SIGLECL1: variants seen among roughly 807,000 people sequenced by gnomAD.
SIGLECL1 encodes the protein SIGLEC family like 1, also known as SIGLEC family-like protein 1.
A neutral mutation model predicts 19.1 loss-of-function variants in SIGLECL1; 16 were observed. The observed-to-expected ratio is 0.84, with a 90% confidence interval of 0.57 to 1.27. The LOEUF is 1.27. Ranked by LOEUF, SIGLECL1 falls within the 50% of genes most tolerant of loss-of-function variation. The probability of loss-of-function intolerance (pLI) is 0.00; values close to 1 mark genes in which losing one functional copy is unlikely to be tolerated. For synonymous variants in SIGLECL1, 89 were observed against 90.4 expected (o/e 0.98, Z 0.09); for missense variants, 210 against 239.4 (o/e 0.88, Z 0.81).
upstream of SIGLECL1, among the ~76,000 whole-genome samples, chr19:51,247,834 C>G (rs1476886250): frequency 6.6e-6 from 1 of 152,198 alleles, no homozygotes; most frequent in Non-Finnish European, 1.5e-5. Context: ...GGTCTCAAGA[C>G]CCCCAGTAAA....
chr19:51,246,794 G>T (rs1476999269), upstream of SIGLECL1, among the ~76,000 whole-genome samples: 1 of 152,156 alleles, frequency 6.6e-6, no homozygotes, highest in Admixed American at 6.5e-5. Flanking sequence ...TTTATTGGGG[G>T]TCTGAAGGAA....
intron 5 of SIGLECL1, among the ~76,000 whole-genome samples, chr19:51,268,166 G>A (rs1167868713): frequency 1.3e-5 from 2 of 152,090 alleles, no homozygotes; most frequent in East Asian, 1.9e-4. Context: ...CTTTGTGCTC[G>A]ACAATGCTGG....
intron 1 of SIGLECL1, among the ~76,000 whole-genome samples, chr19:51,257,298 T>G (rs1982875565): frequency 6.6e-6 from 1 of 151,632 alleles, no homozygotes; most frequent in Non-Finnish European, 1.5e-5. Context: ...CCCAGCTACT[T>G]GGGAGGCTGA....
At chr19:51,266,849 G>T (rs536465322) in intron 4 of SIGLECL1, among the ~76,000 whole-genome samples, 21 of 152,314 alleles carry the variant, frequency 1.4e-4, no homozygotes, top group African/African-American at 4.6e-4. Flanking sequence ...CGGAGCCATG[G>T]AAGAGTGCTA....
At chr19:51,247,725 A>C (rs1982313177), upstream of SIGLECL1, among the ~76,000 whole-genome samples, 1 of 152,182 alleles carries the variant, frequency 6.6e-6, no homozygotes, top group African/African-American at 2.4e-5. Flanking sequence ...GCCGTTGCCC[A>C]ATTTCAAAAC....
At chr19:51,253,108 T>TA (rs35949696) in intron 1 of SIGLECL1, among the ~76,000 whole-genome samples, 18 of 150,774 alleles carry the variant, frequency 1.2e-4, no homozygotes, top group South Asian at 6.3e-4. Flanking sequence ...GACCCTGTGT[T>TA]AAAAAAAAAC....
rs1186596186 is a variant in SIGLECL1 at position 51,268,962 on chromosome 19, G to A, written c.*365G>A. 1 of 207,294 alleles carries A rather than the reference G, an allele frequency of 4.8e-6. No homozygotes were observed. The highest frequency in any genetic ancestry group is 9.7e-6 in the Non-Finnish European group (1 of 102,628). The allele number at this position is 207,294 out of a possible 1,614,324, so 12.8% of individuals were successfully genotyped here. A position where few individuals can be genotyped will look rare whatever the true frequency, so the allele number is the denominator to read the frequency against. On this transcript the variant is annotated 3_prime_UTR_variant, in exon 6 of 6. Coordinates refer to ENST00000601727, the MANE Select transcript of SIGLECL1 (RefSeq NM_001385465.1). The stretch of plus-strand genomic sequence containing the variant: ...TTTTGAGCGCCTACTGTGTGTCAGT[G>A]CCTGAGATACACCTACAAGAGCGCC...
At position 51,267,501 on chromosome 19, in the gene SIGLECL1, T is replaced by G. The variant is rs767714582; in HGVS notation, c.539T>G (p.Val180Gly). 2.7e-5 allele frequency: 43 copies of G among 1,614,044 alleles called. No homozygotes were observed. The highest frequency in any genetic ancestry group is 3.6e-5 in the Non-Finnish European group (42 of 1,180,024). ...LKPEEPGKPV[V>G]ATFSESRILE... ...CCTGAGGAACCAGGAAAACCCGTAG[T>G]CGCCACATTTTCTGAGAGCCGGATA... Residue 180 changes from valine to glycine, a missense_variant, in exon 5 of 6, where the codon GTC becomes GGC. Val to Gly is a moderately radical substitution (Grantham distance 109). Transcript: ENST00000601727.
upstream of SIGLECL1, among the ~76,000 whole-genome samples, chr19:51,250,520 A>T (rs774031653): frequency 6.6e-6 from 1 of 152,164 alleles, no homozygotes; most frequent in Non-Finnish European, 1.5e-5. Context: ...TCTCAGCCTC[A>T]TTTTACCCAG....
At chr19:51,258,101 A>G (rs1379995027) in intron 1 of SIGLECL1, among the ~76,000 whole-genome samples, 1 of 152,196 alleles carries the variant, frequency 6.6e-6, no homozygotes, top group Non-Finnish European at 1.5e-5. Flanking sequence ...TCACGAGTAT[A>G]ACAGCTTTCA....
intron 5 of SIGLECL1, among the ~76,000 whole-genome samples, chr19:51,267,810 A>G (rs116983211): frequency 0.015 from 2,214 of 152,316 alleles, 22 homozygotes; most frequent in Non-Finnish European, 0.023. Context: ...GGAAAATCCT[A>G]ATAGCAGTTG....
intron 1 of SIGLECL1, among the ~76,000 whole-genome samples, chr19:51,256,393 TATGCTATGTGAAACAAGTCAG>T (rs1296823338): frequency 6.6e-6 from 1 of 152,210 alleles, no homozygotes; most frequent in Non-Finnish European, 1.5e-5. Flanking sequence ...TGAAAGACAT[TATGCTATGTGAAACAAGTCAG>T]ACACAGAAAG....
Position 51,265,416 on chromosome 19 carries a change from A to C in SIGLECL1, c.71A>C (p.Gln24Pro). 6.2e-7 allele frequency: 1 copy of C among 1,614,098 alleles called. No homozygotes were observed. Among genetic ancestry groups the C allele is most frequent in the Non-Finnish European group, 8.5e-7 (1 of 1,180,014 alleles). The change falls in exon 3 of 6, where the codon CAG (glutamine) becomes CCG (proline). Residue 24 changes from glutamine to proline, a missense_variant. Coordinates refer to ENST00000601727, the MANE Select transcript of SIGLECL1 (RefSeq NM_001385465.1). ...NSSCSLEKTL[Q>P]CSCSFHGIPT... ...TCTTGCTCCTTGGAGAAGACACTGC[A>C]GTGCAGCTGTTCCTTCCATGGGATT... is the stretch of plus-strand genomic sequence containing the variant.
At chr19:51,254,498 CTT>C (rs1982684476) in intron 1 of SIGLECL1, among the ~76,000 whole-genome samples, 1 of 152,076 alleles carries the variant, frequency 6.6e-6, no homozygotes, top group Non-Finnish European at 1.5e-5. Flanking sequence ...ATGAATTAGC[CTT>C]GAAAGCATGC....
chr19:51,261,420 C>T (rs1201092592), intron 1 of SIGLECL1, among the ~76,000 whole-genome samples: 4 of 152,160 alleles, frequency 2.6e-5, no homozygotes, highest in Admixed American at 2.0e-4. Context: ...TCCTGAGTAG[C>T]TGGGATTACA....
intron 1 of SIGLECL1, among the ~76,000 whole-genome samples, chr19:51,252,601 T>A (rs531341639): frequency 4.0e-5 from 6 of 151,760 alleles, no homozygotes; most frequent in African/African-American, 1.5e-4. Context: ...GAAAAAAAAA[T>A]TGACAATGCA....
At chr19:51,261,741 T>C (rs1983241402) in intron 1 of SIGLECL1, among the ~76,000 whole-genome samples, 1 of 152,236 alleles carries the variant, frequency 6.6e-6, no homozygotes, top group Non-Finnish European at 1.5e-5. Flanking sequence ...ATCACTGATG[T>C]ATTGGAGTTT....
chr19:51,254,841 A>G (rs1051720725), intron 1 of SIGLECL1, among the ~76,000 whole-genome samples: 5 of 152,232 alleles, frequency 3.3e-5, no homozygotes, highest in African/African-American at 7.2e-5. Context: ...AATTATAAAA[A>G]GGTTAGCTAC....
chr19:51,268,146 A>G (rs183174239), intron 5 of SIGLECL1, among the ~76,000 whole-genome samples: 68 of 152,262 alleles, frequency 4.5e-4, no homozygotes, highest in African/African-American at 1.5e-3. Flanking sequence ...TTCCTGCAAT[A>G]TCTCCTAATC....
Sources: allele counts gnomAD v4.1 joint callset (sites outside exome capture counted in the v4.1 genomes callset), GRCh38; gene constraint gnomAD v4.1.1; transcripts MANE v1.5; gene names NCBI Gene and HGNC (gene_info 2026-07-23, HGNC 2026-07-21).